Variants in UGT1A4 observed in about 807,000 individuals in gnomAD.
UGT1A4 encodes the protein UDP glucuronosyltransferase family 1 member A4.
A neutral mutation model predicts 41.1 loss-of-function variants in UGT1A4; 32 were observed. The ratio of observed to expected loss-of-function variants is 0.78; its 90% CI spans 0.59 to 1.05. The LOEUF is 1.05. Among genes scored for constraint, UGT1A4 ranks in the 50% least tolerant of loss-of-function variants. The pLI is 0.00. For synonymous variants in UGT1A4, 283 were observed against 265.1 expected (o/e 1.07, Z -0.66); for missense variants, 748 against 677.4 (o/e 1.10, Z -1.16).
At chr2:233,730,558 T>A (rs898063469) in intron 1 of UGT1A4, among the ~76,000 whole-genome samples, 1 of 152,142 alleles carries the variant, frequency 6.6e-6, no homozygotes, top group African/African-American at 2.4e-5. Context: ...GATTAGAGAA[T>A]GACACACGAA....
In UGT1A4 at chr2:233,718,877, C is replaced by T; in HGVS notation, c.57C>T (p.Leu19=). 3 of 1,613,970 alleles carry T rather than the reference C, an allele frequency of 1.9e-6. No individual in the cohort carries two copies. Among genetic ancestry groups the T allele is most frequent in the Non-Finnish European group, 2.5e-6 (3 of 1,179,936 alleles). ...GGCTGGCCACAGGACTGCTGCTCCT[C>T]CTCAGTGTCCAGCCCTGGGCTGAGA... The part of the protein sequence containing the change: ...LPRLATGLLL[L]LSVQPWAESG... Residue 19 remains leucine, a synonymous_variant, in exon 1 of 5, where the codon CTC becomes CTT. Coordinates refer to ENST00000373409, the MANE Select transcript of UGT1A4 (RefSeq NM_007120.3).
chr2:233,736,234 T>G (rs1035352456), intron 1 of UGT1A4, among the ~76,000 whole-genome samples: 1 of 152,188 alleles, frequency 6.6e-6, no homozygotes, highest in Admixed American at 6.5e-5. Context: ...TCTCTAACCT[T>G]GTCTTCTCAC....
chr2:233,751,650 C>G (rs1180947781), intron 1 of UGT1A4, among the ~76,000 whole-genome samples: 1 of 152,190 alleles, frequency 6.6e-6, no homozygotes, highest in African/African-American at 2.4e-5. Context: ...TTGCTGTTCT[C>G]ATCCTACTGA....
Position 233,772,828 on chromosome 2 carries a change from C to T in UGT1A4, c.*269C>T, listed in dbSNP as rs762669023. The stretch of plus-strand genomic sequence containing the variant: ...TTCAGAGGACGTGCAGACAGGCTGG[C>T]ATTCTAGATTACTTTTCTTACTCTG... On this transcript the variant is annotated 3_prime_UTR_variant, in exon 5 of 5. Coordinates refer to ENST00000373409, the MANE Select transcript of UGT1A4 (RefSeq NM_007120.3). 7.5e-5 allele frequency: 69 copies of T among 921,010 alleles called. No individual in the cohort carries two copies. The highest frequency in any genetic ancestry group is 9.8e-5 in the Non-Finnish European group (65 of 663,798). 57.1% of individuals were successfully genotyped at this position (921,010 alleles called of 1,614,324 possible).
In UGT1A4 at chr2:233,719,412, C is replaced by G; in HGVS notation, c.592C>G (p.Leu198Val). The G allele has an allele frequency of 6.2e-7, 1 of 1,613,976 alleles. No homozygotes were observed. Among genetic ancestry groups the G allele is most frequent in the South Asian group, 1.1e-5 (1 of 91,070 alleles). The change falls in exon 1 of 5, where the codon CTA (leucine) becomes GTA (valine). Residue 198 changes from leucine (L) to valine (V), a missense_variant. Physicochemically the swap from Leu to Val is conservative, Grantham distance 32. Coordinates refer to ENST00000373409, the MANE Select transcript of UGT1A4 (RefSeq NM_007120.3). ...PNPSSYIPKL[L>V]TTNSDHMTFL... The stretch of plus-strand genomic sequence containing the variant: ...TCCTTCCTCCTATATTCCTAAGTTA[C>G]TAACGACCAATTCAGACCACATGAC...
intron 1 of UGT1A4, among the ~76,000 whole-genome samples, chr2:233,731,635 T>C (rs2078185230): frequency 6.6e-6 from 1 of 152,238 alleles, no homozygotes; most frequent in Non-Finnish European, 1.5e-5. Flanking sequence ...TATGGCTGCA[T>C]AGTATTCCAT....
chr2:233,724,135 A>G (rs1575550109), intron 1 of UGT1A4, among the ~76,000 whole-genome samples: 4 of 118,266 alleles, frequency 3.4e-5, no homozygotes, highest in Non-Finnish European at 5.1e-5. Context: ...CACCTCCCGG[A>G]CGGGGCGGCT....
intron 4 of UGT1A4, among the ~76,000 whole-genome samples, chr2:233,771,783 T>TCTCACTCCCTCCCTCC (rs1700380653): frequency 6.6e-6 from 1 of 151,556 alleles, no homozygotes; most frequent in Non-Finnish European, 1.5e-5. Context: ...TCCTTTCCTC[T>TCTCACTCCCTCCCTCC]CTCCCTCCCT....
chr2:233,754,674 C>G (rs1158611461), intron 1 of UGT1A4: 5 of 470,208 alleles, frequency 1.1e-5, no homozygotes. Context: ...GATTTTTTTA[C>G]CATCAACTAT....
intron 1 of UGT1A4, chr2:233,729,369 C>T (rs552638090): frequency 1.4e-5 from 23 of 1,613,926 alleles, no homozygotes; most frequent in Non-Finnish European, 1.8e-5. Flanking sequence ...CAACCTATGC[C>T]ATTTCGTGGA....
chr2:233,766,548 C>T (rs547504981), intron 1 of UGT1A4, among the ~76,000 whole-genome samples: 152 of 152,318 alleles, frequency 1.0e-3, no homozygotes, highest in African/African-American at 3.6e-3. Flanking sequence ...AAATGCCTGT[C>T]CTCACCTAGG....
In UGT1A4 at chr2:233,773,093, G is replaced by A; in HGVS notation, c.*534G>A. 6.2e-6 allele frequency: 1 copy of A among 160,484 alleles called. No homozygotes were observed. Among genetic ancestry groups the A allele is most frequent in the East Asian group, 1.7e-4 (1 of 5,844 alleles). The allele number at this position is 160,484 out of a possible 1,614,324, so 9.9% of individuals were successfully genotyped here. A position where few individuals can be genotyped will look rare whatever the true frequency, so the allele number is the denominator to read the frequency against. Reference sequence around the variant, plus strand: ...GAATGAATGGCTTGGAGTGCACTGAGAACAGCATATGATTTCTTGCTTTGG... The same window carrying A: ...GAATGAATGGCTTGGAGTGCACTGAAAACAGCATATGATTTCTTGCTTTGG... On this transcript the variant is annotated 3_prime_UTR_variant, in exon 5 of 5. Transcript: ENST00000373409.
chr2:233,733,145 T>C (rs2078361109), intron 1 of UGT1A4, among the ~76,000 whole-genome samples: 1 of 152,246 alleles, frequency 6.6e-6, no homozygotes, highest in Non-Finnish European at 1.5e-5. Flanking sequence ...TTGTGATTTT[T>C]GCACATTGAT....
chr2:233,758,758 G>C (rs1696968653), intron 1 of UGT1A4, among the ~76,000 whole-genome samples: 1 of 152,210 alleles, frequency 6.6e-6, no homozygotes, highest in Non-Finnish European at 1.5e-5. Context: ...CCAGTGATGT[G>C]TATGGTTCAA....
rs769720139 is a variant in UGT1A4 at position 233,772,367 on chromosome 2, C to T, written c.1413C>T (p.Gly471=). Reference sequence around the variant, plus strand: ...TGGAGTTTGTGATGAGGCACAAGGGCGCGCCACACCTGCGCCCCGCAGCCC... The same window carrying T: ...TGGAGTTTGTGATGAGGCACAAGGGTGCGCCACACCTGCGCCCCGCAGCCC... The part of the protein sequence containing the change: ...FWVEFVMRHK[G]APHLRPAAHD... Residue 471 remains glycine, a synonymous_variant, in exon 5 of 5, where the codon GGC becomes GGT. Transcript: ENST00000373409. The T allele has an allele frequency of 1.5e-5, 24 of 1,614,250 alleles. No individual in the cohort carries two copies. Among genetic ancestry groups the T allele is most frequent in the Admixed American group, 1.7e-5 (1 of 60,036 alleles).
chr2:233,735,427 T>C (rs2078650919), intron 1 of UGT1A4, among the ~76,000 whole-genome samples: 1 of 152,212 alleles, frequency 6.6e-6, no homozygotes, highest in Non-Finnish European at 1.5e-5. Context: ...ATAGGCCTCC[T>C]GAATACAGCA....
In UGT1A4 at chr2:233,729,401, A is replaced by G. The variant is rs1464724125; in HGVS notation, c.867+9714A>G. ...TGGACCCAGGATGAATTTGATCGCCATGTGCTGGGCCACACTCAACTGTAC... is the reference window on the plus strand; with the variant it reads ...TGGACCCAGGATGAATTTGATCGCCGTGTGCTGGGCCACACTCAACTGTAC... On this transcript the variant is annotated intron_variant, in intron 1 of 4. Coordinates refer to ENST00000373409, the MANE Select transcript of UGT1A4 (RefSeq NM_007120.3). 1.2e-6 allele frequency: 2 copies of G among 1,613,850 alleles called. No homozygotes were observed. The highest frequency in any genetic ancestry group is 3.3e-5 in the Admixed American group (2 of 60,024).
intron 1 of UGT1A4, chr2:233,729,582 C>A (rs143068136): frequency 2.2e-4 from 355 of 1,613,964 alleles, no homozygotes; most frequent in Middle Eastern, 3.3e-4. Context: ...TTTTAACAGA[C>A]CCCGTTAACC....
At position 233,772,830 on chromosome 2, in the gene UGT1A4, T is replaced by G; in HGVS notation, c.*271T>G. ...CAGAGGACGTGCAGACAGGCTGGCA[T>G]TCTAGATTACTTTTCTTACTCTGAA... On this transcript the variant is annotated 3_prime_UTR_variant, in exon 5 of 5. Transcript: ENST00000373409. 8.7e-6 allele frequency: 8 copies of G among 916,310 alleles called. No homozygotes were observed. Among genetic ancestry groups the G allele is most frequent in the Non-Finnish European group, 1.2e-5 (8 of 660,510 alleles). 56.8% of individuals were successfully genotyped at this position (916,310 alleles called of 1,614,324 possible).
Sources: allele counts gnomAD v4.1 joint callset (sites outside exome capture counted in the v4.1 genomes callset), GRCh38; gene constraint gnomAD v4.1.1; transcripts MANE v1.5; gene names NCBI Gene and HGNC (gene_info 2026-07-23, HGNC 2026-07-21).